Variants in ROBO1 observed in about 807,000 individuals in gnomAD.
ROBO1 encodes the protein roundabout homolog 1.
In ROBO1, 149 loss-of-function variants were observed where a neutral mutation model predicts 195.9. The observed-to-expected ratio is 0.76, with a 90% CI of 0.67 to 0.87. The LOEUF is 0.87. ROBO1 is among the 40% of genes least tolerant of loss of function. ROBO1 has a pLI of 0.00. For synonymous variants in ROBO1, 816 were observed against 733.2 expected (o/e 1.11, Z -1.82); for missense variants, 1,933 against 2,068.3 (o/e 0.93, Z 1.27).
chr3:79,638,391 T>C (rs542332355), intron 1 of ROBO1, among the ~76,000 whole-genome samples: 16 of 152,300 alleles, frequency 1.1e-4, no homozygotes, highest in Admixed American at 2.6e-4. Flanking sequence ...GGTCTGATTT[T>C]TTTATTTTTT....
intron 2 of ROBO1, among the ~76,000 whole-genome samples, chr3:79,265,034 C>A (rs2083012278): frequency 6.6e-6 from 1 of 151,844 alleles, no homozygotes; most frequent in Non-Finnish European, 1.5e-5. Context: ...TGGTTTGAAT[C>A]TTGGTGCTTC....
intron 2 of ROBO1, among the ~76,000 whole-genome samples, chr3:79,411,774 C>T (rs920274058): frequency 2.6e-5 from 4 of 152,104 alleles, no homozygotes; most frequent in Non-Finnish European, 4.4e-5. Context: ...TTTGCATGCA[C>T]ATTTAATGTG....
At chr3:79,136,863 G>A (rs2080419450) in intron 2 of ROBO1, among the ~76,000 whole-genome samples, 1 of 152,022 alleles carries the variant, frequency 6.6e-6, no homozygotes, top group Admixed American at 6.6e-5. Context: ...CTTTTAGGTG[G>A]TGCCTCCTTA....
intron 4 of ROBO1, among the ~76,000 whole-genome samples, chr3:78,827,411 A>G (rs2108717947): frequency 6.6e-6 from 1 of 152,326 alleles, no homozygotes. Context: ...GAAATTAATA[A>G]ATAATAAATC....
chr3:79,040,254 T>A (rs1054624435), intron 3 of ROBO1, among the ~76,000 whole-genome samples: 3 of 152,140 alleles, frequency 2.0e-5, no homozygotes, highest in Non-Finnish European at 4.4e-5. Context: ...ATCAATGGTG[T>A]GCTGGTCAAA....
At position 79,016,611 on chromosome 3, in the gene ROBO1, A is replaced by G. The variant is rs1335924591; in HGVS notation, c.173-77684T>C. ...GTGAAGACAGAACTTCCAAGTTGACACGACCAACTTTCAGTGATACCTTAT... is the reference window on the plus strand; with the variant it reads ...GTGAAGACAGAACTTCCAAGTTGACGCGACCAACTTTCAGTGATACCTTAT... On this transcript the variant is annotated intron_variant, in intron 3 of 30. Coordinates refer to ENST00000464233, the MANE Select transcript of ROBO1 (RefSeq NM_002941.4). 2.6e-5 allele frequency among the ~76,000 whole-genome samples: 4 copies of G among 152,214 alleles called. No homozygotes were observed. In the East Asian group the frequency reaches 7.7e-4, roughly 29 times the overall value.
At chr3:79,528,724 A>G (rs947517043) in intron 2 of ROBO1, among the ~76,000 whole-genome samples, 2 of 152,184 alleles carry the variant, frequency 1.3e-5, no homozygotes, top group Admixed American at 1.3e-4. Flanking sequence ...ATTCATAACC[A>G]TGTAATTTTA....
At chr3:79,208,965 A>G (rs1311367904) in intron 2 of ROBO1, among the ~76,000 whole-genome samples, 1 of 152,176 alleles carries the variant, frequency 6.6e-6, no homozygotes, top group Non-Finnish European at 1.5e-5. Context: ...GATGGGCTTC[A>G]AATTGGCACA....
intron 1 of ROBO1, among the ~76,000 whole-genome samples, chr3:79,711,487 C>G (rs559380576): frequency 1.3e-5 from 2 of 151,812 alleles, no homozygotes; most frequent in Non-Finnish European, 2.9e-5. Context: ...TGATGACAAA[C>G]AGTAATTATA....
intron 2 of ROBO1, among the ~76,000 whole-genome samples, chr3:79,364,120 C>T (rs751550254): frequency 2.6e-5 from 4 of 151,876 alleles, no homozygotes; most frequent in South Asian, 4.2e-4. Flanking sequence ...AGGAGAATGG[C>T]GTGAACCCGG....
At chr3:79,054,741 T>C (rs887649088) in intron 3 of ROBO1, among the ~76,000 whole-genome samples, 1 of 152,070 alleles carries the variant, frequency 6.6e-6, no homozygotes. Context: ...AAGGGAAACA[T>C]TGGGTAAGTA....
chr3:78,767,483 C>T (rs2083260079), intron 4 of ROBO1, among the ~76,000 whole-genome samples: 2 of 151,726 alleles, frequency 1.3e-5, no homozygotes, highest in Admixed American at 1.3e-4. Context: ...CCAGGCTGGT[C>T]TCGAACTCCT....
chr3:79,477,348 G>A (rs529086450), intron 2 of ROBO1, among the ~76,000 whole-genome samples: 6 of 152,178 alleles, frequency 3.9e-5, no homozygotes, highest in Non-Finnish European at 7.4e-5. Context: ...CATCTCAACC[G>A]TTGAATCTGC....
At chr3:78,674,101 T>C (rs1462418506) in intron 10 of ROBO1, among the ~76,000 whole-genome samples, 1 of 152,152 alleles carries the variant, frequency 6.6e-6, no homozygotes, top group African/African-American at 2.4e-5. Flanking sequence ...TGATTTTAAA[T>C]TTTATACATT....
chr3:79,083,594 A>C (rs914929400), intron 3 of ROBO1, among the ~76,000 whole-genome samples: 1 of 152,214 alleles, frequency 6.6e-6, no homozygotes, highest in Non-Finnish European at 1.5e-5. Flanking sequence ...TCAAAATTTT[A>C]TTCTTAACTG....
chr3:78,900,407 A>G (rs1187252107), intron 4 of ROBO1, among the ~76,000 whole-genome samples: 1 of 152,200 alleles, frequency 6.6e-6, no homozygotes, highest in African/African-American at 2.4e-5. Context: ...TGAACATTTC[A>G]GAATATTTTG....
chr3:79,422,376 T>TA (rs2038263067), intron 2 of ROBO1, among the ~76,000 whole-genome samples: 2 of 151,994 alleles, frequency 1.3e-5, no homozygotes, highest in Non-Finnish European at 2.9e-5. Flanking sequence ...TTACTAACCC[T>TA]AGATTTCAGA....
At chr3:78,786,360 A>G (rs950121391) in intron 4 of ROBO1, among the ~76,000 whole-genome samples, 1 of 152,194 alleles carries the variant, frequency 6.6e-6, no homozygotes, top group African/African-American at 2.4e-5. Flanking sequence ...ATTTCAAGAA[A>G]TATTTCTTGA....
At chr3:79,561,085 C>T (rs1448024189) in intron 2 of ROBO1, among the ~76,000 whole-genome samples, 1 of 146,900 alleles carries the variant, frequency 6.8e-6, no homozygotes, top group Non-Finnish European at 1.5e-5. Context: ...TGCATCGTGG[C>T]TACTGTCACC....
Sources: allele counts gnomAD v4.1 joint callset (sites outside exome capture counted in the v4.1 genomes callset), GRCh38; gene constraint gnomAD v4.1.1; transcripts MANE v1.5; gene names NCBI Gene and HGNC (gene_info 2026-07-23, HGNC 2026-07-21).